The following ABHD2 variants were observed in gnomAD, a reference collection of about 807,000 sequenced individuals.
The protein encoded by ABHD2 is abhydrolase domain containing 2, acylglycerol lipase.
A neutral mutation model predicts 48.1 loss-of-function variants in ABHD2; 20 were observed. That is an observed-to-expected ratio of 0.42 (90% CI 0.29 to 0.60). ABHD2 has a LOEUF of 0.60. Among genes scored for constraint, ABHD2 ranks in the 20% least tolerant of loss-of-function variants. ABHD2 has a pLI of 0.24. For missense variants in ABHD2, 405 were observed against 550.9 expected (o/e 0.74, Z 2.65); for synonymous variants, 209 against 214.2 (o/e 0.98, Z 0.21).
the ABHD2 span, among the ~76,000 whole-genome samples, chr15:89,077,262 T>C: frequency 5.9e-4 from 90 of 152,372 alleles, no homozygotes; most frequent in Middle Eastern, 0.02. Flanking sequence ...ATTTCTTGGA[T>C]GACTGGCTTC....
intron 3 of ABHD2, among the ~76,000 whole-genome samples, chr15:89,144,448 A>G (rs1362140883): frequency 6.6e-6 from 1 of 152,186 alleles, no homozygotes; most frequent in Non-Finnish European, 1.5e-5. Context: ...TTCAGTGTCT[A>G]TAACTGATGA....
intron 1 of ABHD2, among the ~76,000 whole-genome samples, chr15:89,096,940 T>A (rs1470426875): frequency 1.3e-5 from 2 of 152,216 alleles, no homozygotes; most frequent in Non-Finnish European, 2.9e-5. Flanking sequence ...CCTAAACTCT[T>A]GCCAGAATTG....
intron 3 of ABHD2, among the ~76,000 whole-genome samples, chr15:89,129,003 G>T (rs2050178267): frequency 6.6e-6 from 1 of 152,202 alleles, no homozygotes; most frequent in Non-Finnish European, 1.5e-5. Context: ...TTATGCTGAG[G>T]TTACTGAGCG....
rs1422756359 is a variant in ABHD2, at chr15:89,116,268, C to T, written c.-6-54C>T. 1.3e-6 allele frequency: 2 copies of T among 1,532,714 alleles called. No individual in the cohort carries two copies. Among genetic ancestry groups the T allele is most frequent in the Non-Finnish European group, 1.8e-6 (2 of 1,126,520 alleles). 94.9% of individuals were successfully genotyped at this position (1,532,714 alleles called of 1,614,324 possible). A position where few individuals can be genotyped will look rare whatever the true frequency, so the allele number is the denominator to read the frequency against. On this transcript the variant is annotated intron_variant, in intron 2 of 10. Coordinates refer to ENST00000352732, the MANE Select transcript of ABHD2 (RefSeq NM_152924.5). This position sits in a 1 kb window ranked among gnomAD's most constrained non-coding sequence, Gnocchi z 4.6. ...CACCATGCGTCTGTAGGGTGGTGGG[C>T]ACCACCCGTCCTCACTGTGCTTGTA... is the stretch of plus-strand genomic sequence containing the variant.
intron 4 of ABHD2, among the ~76,000 whole-genome samples, chr15:89,152,220 C>T (rs1596121621): frequency 6.6e-6 from 1 of 151,940 alleles, no homozygotes; most frequent in East Asian, 1.9e-4. Flanking sequence ...GGACTACAGG[C>T]GCCAGCCACC....
intron 1 of ABHD2, among the ~76,000 whole-genome samples, chr15:89,109,084 C>G (rs2049832457): frequency 6.6e-6 from 1 of 152,210 alleles, no homozygotes; most frequent in African/African-American, 2.4e-5. Context: ...CTCAGAGCCC[C>G]CAGACTGGAG....
At position 89,170,914 on chromosome 15, in the gene ABHD2, A is replaced by G. The variant is rs201342819; in HGVS notation, c.539-4898A>G. Reference sequence around the variant, plus strand: ...GGGCGGATCACAAGGTCAGGAGTTCAAGACCAGCCTGGCCAACATGGTGAA... The same window carrying G: ...GGGCGGATCACAAGGTCAGGAGTTCGAGACCAGCCTGGCCAACATGGTGAA... On this transcript the variant is annotated intron_variant, in intron 5 of 10. Transcript: ENST00000352732. 4.7e-3 allele frequency among the ~76,000 whole-genome samples: 720 copies of G among 152,200 alleles called. 7 individuals carry two copies. Among genetic ancestry groups the G allele is most frequent in the African/African-American group, 0.016 (676 of 41,510 alleles).
rs1410067818 is a variant in ABHD2 at position 89,135,485 on chromosome 15, G to A, written c.195-16192G>A. 6.1e-6 allele frequency: 5 copies of A among 821,090 alleles called. No homozygotes were observed. In the East Asian group the frequency reaches 1.2e-4, roughly 20 times the overall value. 50.9% of individuals were successfully genotyped at this position (821,090 alleles called of 1,614,324 possible). ...TTCAGTTTTTTTCTTTAAAAGGAGT[G>A]AGTTATGTACAGGTTAAATGCTTTA... On this transcript the variant is annotated intron_variant, in intron 3 of 10. Transcript: ENST00000352732.
chr15:89,190,724 C>T (rs945347882), intron 8 of ABHD2, among the ~76,000 whole-genome samples: 1 of 152,024 alleles, frequency 6.6e-6, no homozygotes, highest in African/African-American at 2.4e-5. Flanking sequence ...TGAGGAAGGC[C>T]CTGTCTTCAG....
Position 89,091,820 on chromosome 15 carries a change from G to A in ABHD2, c.-107+3257G>A, listed in dbSNP as rs897840140. On this transcript the variant is annotated intron_variant, in intron 1 of 10. Transcript: ENST00000352732. The surrounding 1 kb of genome is among the most constrained non-coding windows in gnomAD (Gnocchi z 5.5). ...TGAGTACTCCATGACCAGTTTCAGA[G>A]TATAGATGATGTGGGGCATGAGTTG... Among the ~76,000 whole-genome samples the A allele has an allele frequency of 6.6e-6, 1 of 152,192 alleles. No homozygotes were observed. The highest frequency in any genetic ancestry group is 2.4e-5 in the African/African-American group (1 of 41,442).
At chr15:89,115,633 C>T (rs1032055623) in intron 2 of ABHD2, among the ~76,000 whole-genome samples, 2 of 152,124 alleles carry the variant, frequency 1.3e-5, no homozygotes, top group African/African-American at 2.4e-5. Flanking sequence ...ACAAACTAGC[C>T]GAGCTCTATT....
chr15:89,042,210 A>G, the ABHD2 span, among the ~76,000 whole-genome samples: 1 of 152,214 alleles, frequency 6.6e-6, no homozygotes, highest in African/African-American at 2.4e-5. Context: ...CAGCAGCTGC[A>G]TAGCATAGCC....
At chr15:89,159,814 T>C (rs1255082992) in intron 5 of ABHD2, among the ~76,000 whole-genome samples, 1 of 149,488 alleles carries the variant, frequency 6.7e-6, no homozygotes, top group Non-Finnish European at 1.5e-5. Flanking sequence ...ATTTTAGAAG[T>C]AAATTTCTGT....
chr15:89,125,053 C>T (rs1307842897), intron 3 of ABHD2, among the ~76,000 whole-genome samples: 3 of 151,706 alleles, frequency 2.0e-5, no homozygotes, highest in Non-Finnish European at 2.9e-5. Context: ...CGTGCCATTG[C>T]ACTCCAGCCT....
the ABHD2 span, among the ~76,000 whole-genome samples, chr15:89,081,057 T>G: frequency 1.3e-5 from 2 of 151,192 alleles, no homozygotes; most frequent in African/African-American, 4.9e-5. Flanking sequence ...TGGAGTACAG[T>G]GGCACAATCA....
chr15:89,181,491 C>G (rs191870824), intron 6 of ABHD2, among the ~76,000 whole-genome samples: 1 of 152,274 alleles, frequency 6.6e-6, no homozygotes, highest in East Asian at 1.9e-4. Context: ...CATCTCCAAT[C>G]TTAATTCATA....
At chr15:89,143,969 T>C (rs944657247) in intron 3 of ABHD2, among the ~76,000 whole-genome samples, 13 of 152,188 alleles carry the variant, frequency 8.5e-5, no homozygotes, top group Non-Finnish European at 1.3e-4. Flanking sequence ...GGAAAAAGTT[T>C]GGAGTATCCC....
chr15:89,075,565 G>A, the ABHD2 span, among the ~76,000 whole-genome samples: 1 of 151,992 alleles, frequency 6.6e-6, no homozygotes, highest in Non-Finnish European at 1.5e-5. This position sits in a 1 kb window ranked among gnomAD's most constrained non-coding sequence, Gnocchi z 4.1. Context: ...GAAAGGAAGT[G>A]GAGGCGAAAA....
chr15:89,122,597 T>C (rs1368150600), intron 3 of ABHD2, among the ~76,000 whole-genome samples: 2 of 152,172 alleles, frequency 1.3e-5, no homozygotes, highest in Non-Finnish European at 2.9e-5. Context: ...GGATTGCTTA[T>C]GGTCTTAAAT....
Sources: allele counts gnomAD v4.1 joint callset (sites outside exome capture counted in the v4.1 genomes callset), GRCh38; gene constraint gnomAD v4.1.1; non-coding constraint Gnocchi (gnomAD v3.1); transcripts MANE v1.5; gene names NCBI Gene and HGNC (gene_info 2026-07-23, HGNC 2026-07-21).